Variants in CALN1 observed in about 807,000 individuals in gnomAD.
CALN1 encodes calneuron 1.
CALN1 carries 17 observed loss-of-function variants against 30.6 expected under a neutral mutation model. The observed-to-expected ratio is 0.56, with a 90% CI of 0.38 to 0.83. CALN1 has a LOEUF of 0.83. Ranked by LOEUF, CALN1 falls within the 40% of genes least tolerant of loss-of-function variation. The pLI is 0.00. For missense variants in CALN1, 291 were observed against 354.9 expected, an observed-to-expected ratio of 0.82 and a Z score of 1.45; for synonymous variants, 156 against 131.4, an observed-to-expected ratio of 1.19 and a Z score of -1.28.
chr7:72,489,019 T>TA, the CALN1 span, among the ~76,000 whole-genome samples: 1 of 152,070 alleles, frequency 6.6e-6, no homozygotes, highest in African/African-American at 2.4e-5. Context: ...ATAGATATGG[T>TA]AAAATTTTTT....
chr7:72,283,195 T>C (rs923816420), intron 2 of CALN1, among the ~76,000 whole-genome samples: 6 of 152,042 alleles, frequency 3.9e-5, no homozygotes, highest in African/African-American at 1.2e-4. Context: ...TGGGTTTTAA[T>C]ATATACTGAA....
intron 5 of CALN1, among the ~76,000 whole-genome samples, chr7:71,893,030 TTC>T (rs1173667773): frequency 1.3e-5 from 2 of 152,076 alleles, no homozygotes; most frequent in African/African-American, 4.8e-5. Context: ...AATAAAAAGG[TTC>T]TGTTTAATAA....
At chr7:72,368,785 C>T (rs527746556) in intron 2 of CALN1, among the ~76,000 whole-genome samples, 1 of 150,464 alleles carries the variant, frequency 6.6e-6, no homozygotes, top group African/African-American at 2.4e-5. Context: ...CTGATTTCAC[C>T]ATCACAGAGA....
chr7:71,975,345 C>T (rs1180973470), intron 5 of CALN1, among the ~76,000 whole-genome samples: 2 of 152,164 alleles, frequency 1.3e-5, no homozygotes, highest in Non-Finnish European at 2.9e-5. Flanking sequence ...CATCCACCAC[C>T]TCCCTTGTTA....
intron 3 of CALN1, among the ~76,000 whole-genome samples, chr7:72,138,689 G>C (rs1456916038): frequency 1.3e-5 from 2 of 152,194 alleles, no homozygotes; most frequent in Non-Finnish European, 2.9e-5. Context: ...GGGAAGAAAA[G>C]CCATTTCAAC....
At chr7:72,226,908 A>T (rs868769446) in intron 3 of CALN1, among the ~76,000 whole-genome samples, 2 of 152,000 alleles carry the variant, frequency 1.3e-5, no homozygotes, top group African/African-American at 2.4e-5. Context: ...ATGATGGCGC[A>T]TGTCTATAGT....
chr7:72,010,714 G>A (rs1459219873), intron 5 of CALN1, among the ~76,000 whole-genome samples: 3 of 151,606 alleles, frequency 2.0e-5, no homozygotes, highest in Non-Finnish European at 4.4e-5. Flanking sequence ...TCAGGAAGCT[G>A]AGGTAGAAAA....
intron 4 of CALN1, among the ~76,000 whole-genome samples, chr7:72,091,975 A>G (rs948765444): frequency 6.6e-6 from 1 of 152,234 alleles, no homozygotes; most frequent in African/African-American, 2.4e-5. Context: ...AACCAATTTC[A>G]ATAATTTACA....
intron 3 of CALN1, among the ~76,000 whole-genome samples, chr7:72,198,668 A>C (rs148137619): frequency 6.6e-6 from 1 of 152,278 alleles, no homozygotes; most frequent in East Asian, 1.9e-4. Context: ...ACCCACCTAA[A>C]AAAGAAAAAG....
intron 3 of CALN1, among the ~76,000 whole-genome samples, chr7:72,240,398 T>C (rs1794750142): frequency 6.6e-6 from 1 of 152,082 alleles, no homozygotes; most frequent in Non-Finnish European, 1.5e-5. Context: ...TCTTGCTCTG[T>C]TGTACAGGCT....
chr7:72,495,482 G>T, the CALN1 span, among the ~76,000 whole-genome samples: 1 of 152,182 alleles, frequency 6.6e-6, no homozygotes, highest in Non-Finnish European at 1.5e-5. Flanking sequence ...ACATTGCAGG[G>T]AACAAGGCAC....
intron 5 of CALN1, among the ~76,000 whole-genome samples, chr7:71,882,444 A>G (rs113319955): frequency 4.2e-4 from 64 of 152,286 alleles, no homozygotes; most frequent in African/African-American, 1.5e-3. Context: ...TCCAGGGGTT[A>G]CGACATGGAC....
intron 3 of CALN1, among the ~76,000 whole-genome samples, chr7:72,112,250 A>G (rs1807632851): frequency 6.6e-6 from 1 of 152,180 alleles, no homozygotes; most frequent in Non-Finnish European, 1.5e-5. Context: ...TAGTTGGCTG[A>G]TGTTCTAGCT....
At chr7:72,177,280 T>G (rs1007581064) in intron 3 of CALN1, among the ~76,000 whole-genome samples, 1 of 152,116 alleles carries the variant, frequency 6.6e-6, no homozygotes, top group Non-Finnish European at 1.5e-5. Flanking sequence ...AGGAGGACAC[T>G]TGGAGGAGGA....
chr7:71,976,063 T>C (rs911927838), intron 5 of CALN1, among the ~76,000 whole-genome samples: 1 of 151,896 alleles, frequency 6.6e-6, no homozygotes, highest in African/African-American at 2.4e-5. Context: ...TTTCCAACCA[T>C]TCACACCAGA....
chr7:71,967,910 C>T (rs1027239942), intron 5 of CALN1, among the ~76,000 whole-genome samples: 1 of 152,138 alleles, frequency 6.6e-6, no homozygotes, highest in African/African-American at 2.4e-5. Flanking sequence ...TGTAAAGCAA[C>T]TGGAACTCTC....
the CALN1 span, among the ~76,000 whole-genome samples, chr7:72,487,730 A>AAGG: frequency 1.5e-5 from 1 of 68,908 alleles, no homozygotes; most frequent in Admixed American, 1.4e-4. Flanking sequence ...AGAAAGAAAG[A>AAGG]AAGAAAGGAA....
At chr7:72,033,450 A>G (rs1801584456) in intron 4 of CALN1, among the ~76,000 whole-genome samples, 1 of 152,224 alleles carries the variant, frequency 6.6e-6, no homozygotes, top group Non-Finnish European at 1.5e-5. Flanking sequence ...CTTGCAATCC[A>G]TTACTCAAGG....
intron 5 of CALN1, among the ~76,000 whole-genome samples, chr7:71,959,090 T>C (rs1234488126): frequency 6.6e-6 from 1 of 152,172 alleles, no homozygotes; most frequent in Non-Finnish European, 1.5e-5. Flanking sequence ...TGTGGCACTA[T>C]CAAAGGCTAG....
Sources: allele counts gnomAD v4.1 joint callset (sites outside exome capture counted in the v4.1 genomes callset), GRCh38; gene constraint gnomAD v4.1.1; transcripts MANE v1.5; gene names NCBI Gene and HGNC (gene_info 2026-07-23, HGNC 2026-07-21).